The following TNN variants were observed in gnomAD, a reference collection of about 807,000 sequenced individuals.
TNN encodes tenascin-N.
Under a neutral mutation model 134.4 loss-of-function variants are expected in TNN, and 122 were observed. That is an observed-to-expected ratio of 0.91 (90% CI 0.78 to 1.06). TNN has a LOEUF of 1.06. Among genes scored for constraint, TNN ranks in the 50% least tolerant of loss-of-function variants. The pLI, the probability that TNN is intolerant of heterozygous loss-of-function variation, is 0.00. For synonymous variants in TNN, 710 were observed against 670.3 expected (o/e 1.06, Z -0.91); for missense variants, 1,739 against 1,699.4 (o/e 1.02, Z -0.41).
Position 175,079,623 on chromosome 1 carries a change from C to A in TNN, c.700C>A (p.Pro234Thr). The change falls in exon 3 of 19, where the codon CCC (proline) becomes ACC (threonine). Residue 234 changes from proline to threonine, a missense_variant. Coordinates refer to ENST00000239462, the MANE Select transcript of TNN (RefSeq NM_022093.2). ...MSEDCSEKRC[P>T]GDCSGHGFCD... ...GGAGGACTGCAGCGAGAAGCGCTGTCCCGGCGACTGCAGCGGCCACGGCTT... is the reference window on the plus strand; with the variant it reads ...GGAGGACTGCAGCGAGAAGCGCTGTACCGGCGACTGCAGCGGCCACGGCTT... 2 of 1,603,772 alleles carry A rather than the reference C, an allele frequency of 1.2e-6. No homozygotes were observed. The highest frequency in any genetic ancestry group is 1.1e-5 in the South Asian group (1 of 89,528).
chr1:175,137,581 G>C (rs1675847224), intron 17 of TNN, among the ~76,000 whole-genome samples: 1 of 152,232 alleles, frequency 6.6e-6, no homozygotes, highest in African/African-American at 2.4e-5. Flanking sequence ...AGTTGCTGGT[G>C]TGTTTGGTTG....
rs184835091 is a variant in TNN at position 175,138,050 on chromosome 1, G to A, written c.3595+1062G>A. Among the ~76,000 whole-genome samples, 27 of 152,260 alleles carry A rather than the reference G, an allele frequency of 1.8e-4. No homozygotes were observed. In the South Asian group the frequency reaches 3.3e-3, roughly 19 times the overall value. ...GAAATAGAGGGCTCTCCAGGCCTGG[G>A]GGCTTTAGGGTGAGTAGGGACTGAG... On this transcript the variant is annotated intron_variant, in intron 17 of 18. Coordinates refer to ENST00000239462, the MANE Select transcript of TNN (RefSeq NM_022093.2).
intron 2 of TNN, among the ~76,000 whole-genome samples, chr1:175,078,588 A>T (rs996625548): frequency 1.3e-5 from 2 of 152,192 alleles, no homozygotes; most frequent in Non-Finnish European, 2.9e-5. Context: ...ACTCGGCACC[A>T]GGGACACTGC....
In TNN at chr1:175,097,415, A is replaced by T. The variant is rs148861104; in HGVS notation, c.1589-2A>T. 38 of 1,614,064 alleles carry T rather than the reference A, an allele frequency of 2.4e-5. No individual in the cohort carries two copies. The African/African-American group carries it at 4.3e-4, about 18-fold the overall frequency. ...CATTCTTCTTTCATCTCTCTCTTAA[A>T]GAAATTGACAGCCCAGCAAACCTGG... On this transcript the variant is annotated splice_acceptor_variant, in intron 7 of 18. Coordinates refer to ENST00000239462, the MANE Select transcript of TNN (RefSeq NM_022093.2). LOFTEE classifies it high-confidence loss of function.
At chr1:175,074,942 C>T (rs144816691) in intron 1 of TNN, among the ~76,000 whole-genome samples, 8 of 152,344 alleles carry the variant, frequency 5.3e-5, no homozygotes, top group Non-Finnish European at 8.8e-5. Context: ...TGTTGGGCAA[C>T]CCTGGCAAAT....
chr1:175,115,891 GAGA>G (rs1454558527), intron 9 of TNN, among the ~76,000 whole-genome samples: 3 of 152,268 alleles, frequency 2.0e-5, no homozygotes, highest in Admixed American at 2.0e-4. Flanking sequence ...TTGCTGTAGG[GAGA>G]AGTTCTTCCT....
chr1:175,086,219 TA>T (rs1305972154), intron 6 of TNN, among the ~76,000 whole-genome samples: 5 of 152,232 alleles, frequency 3.3e-5, no homozygotes, highest in Non-Finnish European at 5.9e-5. Flanking sequence ...TAGACTCCTC[TA>T]AAATGTCAAA....
chr1:175,112,395 T>C (rs1343142444), intron 9 of TNN, among the ~76,000 whole-genome samples: 1 of 152,084 alleles, frequency 6.6e-6, no homozygotes, highest in Non-Finnish European at 1.5e-5. Context: ...CTCCTTTGCC[T>C]CTTTTTATAC....
chr1:175,087,508 GT>G (rs1278285431), intron 6 of TNN, among the ~76,000 whole-genome samples: 2 of 152,186 alleles, frequency 1.3e-5, no homozygotes, highest in Non-Finnish European at 2.9e-5. Flanking sequence ...GGGGTCCCGA[GT>G]TTTTTATTTT....
At chr1:175,123,909 C>T (rs1297180671) in intron 12 of TNN, among the ~76,000 whole-genome samples, 7 of 152,218 alleles carry the variant, frequency 4.6e-5, no homozygotes, top group African/African-American at 1.7e-4. Flanking sequence ...CCCGGCCCAG[C>T]GCTCAGAATC....
intron 11 of TNN, among the ~76,000 whole-genome samples, chr1:175,119,940 A>G (rs761307755): frequency 6.6e-6 from 1 of 152,214 alleles, no homozygotes; most frequent in Admixed American, 6.5e-5. Context: ...GCCTGGGCCC[A>G]TGAATGTCTT....
intron 15 of TNN, among the ~76,000 whole-genome samples, chr1:175,134,738 A>G (rs1574177123): frequency 6.6e-6 from 1 of 151,880 alleles, no homozygotes; most frequent in Non-Finnish European, 1.5e-5. Flanking sequence ...TGTCAACTTT[A>G]CCTTCTATGC....
intron 9 of TNN, among the ~76,000 whole-genome samples, chr1:175,104,056 T>C (rs1674794213): frequency 2.1e-5 from 3 of 145,878 alleles, no homozygotes; most frequent in Non-Finnish European, 1.5e-5. Flanking sequence ...TATCCCTCCC[T>C]AATAAGGGTG....
chr1:175,082,000 G>T (rs1221651810), intron 4 of TNN, among the ~76,000 whole-genome samples: 1 of 152,192 alleles, frequency 6.6e-6, no homozygotes, highest in Non-Finnish European at 1.5e-5. Flanking sequence ...GTTCAGAGTT[G>T]ATCATGGAAG....
chr1:175,144,576 T>C, intron 18 of TNN, 26 bp downstream of exon 18: 6 of 1,610,846 alleles, frequency 3.7e-6, no homozygotes, highest in African/African-American at 1.3e-5. Context: ...ATGTCTTTTC[T>C]GTCCCAGGGT....
At chr1:175,099,317 A>G (rs1674656846) in intron 9 of TNN, among the ~76,000 whole-genome samples, 1 of 152,112 alleles carries the variant, frequency 6.6e-6, no homozygotes, top group African/African-American at 2.4e-5. Flanking sequence ...AGGTAAACTG[A>G]TGAGAGGTGA....
chr1:175,131,823 C>T (rs1369318370), intron 15 of TNN, among the ~76,000 whole-genome samples: 3 of 151,232 alleles, frequency 2.0e-5, no homozygotes, highest in African/African-American at 7.3e-5. Flanking sequence ...AAAGACACAA[C>T]TAGTAAGTAT....
rs1301381207 is a variant in TNN, at chr1:175,147,171, C to T, written c.*100C>T. The T allele has an allele frequency of 8.5e-7, 1 of 1,175,514 alleles. No homozygotes were observed. Among genetic ancestry groups the T allele is most frequent in the Non-Finnish European group, 1.1e-6 (1 of 893,122 alleles). The allele number at this position is 1,175,514 out of a possible 1,614,324, so 72.8% of individuals were successfully genotyped here. A position where few individuals can be genotyped will look rare whatever the true frequency, so the allele number is the denominator to read the frequency against. On this transcript the variant is annotated 3_prime_UTR_variant, in exon 19 of 19. Transcript: ENST00000239462. ...GCGGTCTGGGAGTGCTCAGATAGCCCGCAGAACAAATCATGTCACCAAGCT... is the reference window on the plus strand; with the variant it reads ...GCGGTCTGGGAGTGCTCAGATAGCCTGCAGAACAAATCATGTCACCAAGCT...
chr1:175,112,041 G>A (rs772850292), intron 9 of TNN, among the ~76,000 whole-genome samples: 5 of 151,860 alleles, frequency 3.3e-5, no homozygotes, highest in Non-Finnish European at 7.4e-5. Flanking sequence ...GAATAAGAGT[G>A]GTAAGAGTGG....
Sources: gnomAD v4.1 joint callset for allele counts (sites outside exome capture counted in the v4.1 genomes callset) on GRCh38, gnomAD v4.1.1 for gene constraint, MANE v1.5 for transcripts, NCBI Gene and HGNC (gene_info 2026-07-23, HGNC 2026-07-21) for gene names.